The following AUTS2 variants were observed in gnomAD, a reference collection of about 807,000 sequenced individuals.
AUTS2 encodes activator of transcription and developmental regulator AUTS2, also known as autism susceptibility gene 2 protein.
In AUTS2, 17 loss-of-function variants were observed where a neutral mutation model predicts 112.4. The ratio of observed to expected loss-of-function variants is 0.15; its 90% CI spans 0.10 to 0.23. The LOEUF is 0.23. Ranked by LOEUF, AUTS2 falls within the 10% of genes least tolerant of loss-of-function variation. The pLI is 1.00. For missense variants in AUTS2, 1,510 were observed against 1,701.6 expected (o/e 0.89, Z 1.98); for synonymous variants, 751 against 702.7 (o/e 1.07, Z -1.09).
intron 6 of AUTS2, among the ~76,000 whole-genome samples, chr7:70,723,154 C>T (rs1453173771): frequency 1.3e-5 from 2 of 152,198 alleles, no homozygotes; most frequent in Admixed American, 1.3e-4. Flanking sequence ...TCATGTTAAT[C>T]AGGAGATTTT....
chr7:69,789,790 C>T (rs138257103), intron 1 of AUTS2, among the ~76,000 whole-genome samples: 1 of 152,174 alleles, frequency 6.6e-6, no homozygotes, highest in African/African-American at 2.4e-5. Flanking sequence ...CCAGTTGTCT[C>T]TCCAGTGAGA....
At chr7:70,061,521 T>C (rs947846332) in intron 2 of AUTS2, among the ~76,000 whole-genome samples, 1 of 152,040 alleles carries the variant, frequency 6.6e-6, no homozygotes, top group African/African-American at 2.4e-5. Context: ...ATAAAGCAAA[T>C]AGGTCATTAT....
chr7:70,649,633 AT>A (rs1806384352), intron 5 of AUTS2, among the ~76,000 whole-genome samples: 1 of 151,652 alleles, frequency 6.6e-6, no homozygotes, highest in African/African-American at 2.4e-5. Context: ...GGTTCAAACG[AT>A]TTTCTTGCCT....
chr7:69,731,083 C>G (rs533046631), intron 1 of AUTS2, among the ~76,000 whole-genome samples: 61 of 152,234 alleles, frequency 4.0e-4, no homozygotes, highest in African/African-American at 1.4e-3. Flanking sequence ...ATCACTTGAA[C>G]CCGTTTGAGA....
chr7:69,824,179 C>T (rs796961260), intron 1 of AUTS2, among the ~76,000 whole-genome samples: 1 of 151,908 alleles, frequency 6.6e-6, no homozygotes, highest in African/African-American at 2.4e-5. Flanking sequence ...TGTGGGAGGC[C>T]GAGGTGGGCG....
chr7:69,768,571 G>A (rs1463573479), intron 1 of AUTS2, among the ~76,000 whole-genome samples: 2 of 152,214 alleles, frequency 1.3e-5, no homozygotes, highest in East Asian at 3.8e-4. Context: ...GCTGTCAGGT[G>A]TAGAAGAGTG....
chr7:70,315,678 G>A (rs1042732641), intron 4 of AUTS2, among the ~76,000 whole-genome samples: 2 of 152,110 alleles, frequency 1.3e-5, no homozygotes, highest in Admixed American at 1.3e-4. Context: ...TGGCTTGATA[G>A]TCTCTCTCAA....
chr7:70,657,335 C>A (rs1003261375), intron 5 of AUTS2, among the ~76,000 whole-genome samples: 9 of 152,138 alleles, frequency 5.9e-5, no homozygotes, highest in African/African-American at 2.2e-4. Flanking sequence ...GGCAGGGGAG[C>A]TACTTCTTAG....
intron 2 of AUTS2, among the ~76,000 whole-genome samples, chr7:69,946,304 C>T (rs570593940): frequency 3.9e-5 from 6 of 151,972 alleles, no homozygotes; most frequent in Non-Finnish European, 8.8e-5. Flanking sequence ...ATCCTTGTAT[C>T]GTGTTGATAG....
At chr7:70,010,140 A>AT (rs984876417) in intron 2 of AUTS2, among the ~76,000 whole-genome samples, 10 of 151,150 alleles carry the variant, frequency 6.6e-5, no homozygotes, top group East Asian at 5.8e-4. Context: ...TCATGAGGAT[A>AT]TTTTTTTTTA....
intron 1 of AUTS2, among the ~76,000 whole-genome samples, chr7:69,755,968 A>C (rs1028799925): frequency 6.6e-6 from 1 of 152,184 alleles, no homozygotes; most frequent in Admixed American, 6.5e-5. Flanking sequence ...TCATGATTTA[A>C]CTGAGCCTTG....
chr7:70,264,412 T>C (rs1479440521), intron 4 of AUTS2, among the ~76,000 whole-genome samples: 10 of 152,136 alleles, frequency 6.6e-5, no homozygotes, highest in Admixed American at 2.6e-4. Flanking sequence ...TTCACCATGT[T>C]GGCCAGGATG....
chr7:70,327,143 C>T (rs1790528576), intron 4 of AUTS2, among the ~76,000 whole-genome samples: 1 of 152,006 alleles, frequency 6.6e-6, no homozygotes, highest in Non-Finnish European at 1.5e-5. Flanking sequence ...GTCTCAAACT[C>T]CTGACCTCAG....
At chr7:69,879,863 G>A (rs1203476879) in intron 1 of AUTS2, among the ~76,000 whole-genome samples, 3 of 152,064 alleles carry the variant, frequency 2.0e-5, no homozygotes, top group African/African-American at 7.2e-5. Context: ...GCAGTGGTGT[G>A]ATCATAGGTT....
At chr7:70,102,226 C>T (rs1804539047) in intron 2 of AUTS2, among the ~76,000 whole-genome samples, 1 of 149,316 alleles carries the variant, frequency 6.7e-6, no homozygotes, top group Non-Finnish European at 1.5e-5. Flanking sequence ...TCACACCATT[C>T]TCCTGCCTCA....
chr7:69,690,892 GA>G (rs1028314144), intron 1 of AUTS2, among the ~76,000 whole-genome samples: 2 of 152,212 alleles, frequency 1.3e-5, no homozygotes, highest in Non-Finnish European at 2.9e-5. Context: ...GCAAGGCGGA[GA>G]GGGGCTTCAT....
At chr7:70,716,130 C>T (rs1810350604) in intron 6 of AUTS2, among the ~76,000 whole-genome samples, 1 of 152,096 alleles carries the variant, frequency 6.6e-6, no homozygotes, top group South Asian at 2.1e-4. Flanking sequence ...GGAGGCTGCC[C>T]ACGTATATTG....
chr7:69,950,071 TG>T (rs1796964645), intron 2 of AUTS2, among the ~76,000 whole-genome samples: 2 of 152,146 alleles, frequency 1.3e-5, no homozygotes, highest in Non-Finnish European at 1.5e-5. Flanking sequence ...AATGAATAAT[TG>T]GGGCTGATTT....
At chr7:70,131,275 A>G (rs560196720) in intron 3 of AUTS2, among the ~76,000 whole-genome samples, 1 of 152,188 alleles carries the variant, frequency 6.6e-6, no homozygotes, top group African/African-American at 2.4e-5. Context: ...ACATAGTGAG[A>G]TGCTATCTCT....
Sources: allele counts gnomAD v4.1 joint callset (sites outside exome capture counted in the v4.1 genomes callset), GRCh38; gene constraint gnomAD v4.1.1; transcripts MANE v1.5; gene names NCBI Gene and HGNC (gene_info 2026-07-23, HGNC 2026-07-21).